Variants in MSI2 observed in about 807,000 individuals in gnomAD.
MSI2 encodes RNA-binding protein Musashi homolog 2.
MSI2 carries 17 observed loss-of-function variants against 45.6 expected under a neutral mutation model. That is an observed-to-expected ratio of 0.37 (90% CI 0.26 to 0.56). MSI2 has a LOEUF of 0.56. Among genes scored for constraint, MSI2 ranks in the 20% least tolerant of loss-of-function variants. The pLI is 0.77. For missense variants in MSI2, 293 were observed against 444.2 expected (o/e 0.66, Z 3.06); for synonymous variants, 156 against 158.2 (o/e 0.99, Z 0.11).
At chr17:57,421,231 T>C (rs1196373105) in intron 6 of MSI2, among the ~76,000 whole-genome samples, 1 of 152,190 alleles carries the variant, frequency 6.6e-6, no homozygotes, top group African/African-American at 2.4e-5. Flanking sequence ...GCGCTTTTAA[T>C]GTCCACGCTT....
intron 7 of MSI2, among the ~76,000 whole-genome samples, chr17:57,554,257 A>T (rs1179373489): frequency 6.6e-6 from 1 of 152,144 alleles, no homozygotes; most frequent in Non-Finnish European, 1.5e-5. Flanking sequence ...ATGGTTCTTA[A>T]AAATGCAGAG....
intron 5 of MSI2, among the ~76,000 whole-genome samples, chr17:57,343,335 T>A (rs76371053): frequency 6.6e-5 from 10 of 151,794 alleles, no homozygotes; most frequent in Non-Finnish European, 1.2e-4. Context: ...TTTTTTTTTT[T>A]ATTTGGAGGT....
intron 6 of MSI2, among the ~76,000 whole-genome samples, chr17:57,476,939 G>T (rs1186011762): frequency 6.6e-6 from 1 of 152,080 alleles, no homozygotes; most frequent in Non-Finnish European, 1.5e-5. Flanking sequence ...CCCATTTAAA[G>T]CTTGTAAAAC....
chr17:57,393,383 A>G (rs539853788), intron 5 of MSI2, among the ~76,000 whole-genome samples: 6 of 152,148 alleles, frequency 3.9e-5, no homozygotes, highest in Non-Finnish European at 7.3e-5. Flanking sequence ...GTAATACGTG[A>G]TGTTCTGTGT....
In MSI2 at chr17:57,678,304, G is replaced by A. The variant is rs141684876; in HGVS notation, c.*31+1245G>A. 1.5e-3 allele frequency among the ~76,000 whole-genome samples: 226 copies of A among 152,192 alleles called. 1 individual carries two copies. The highest frequency in any genetic ancestry group is 5.1e-3 in the African/African-American group (211 of 41,522). ...ATGTGTGTGAATTCTCCCACCCCTC[G>A]CCTCCACTTCCCCTTGAGCACTGAC... On this transcript the variant is annotated intron_variant, in intron 13 of 13. Transcript: ENST00000284073.
At position 57,375,975 on chromosome 17, in the gene MSI2, G is replaced by A. The variant is rs376469741; in HGVS notation, c.313-25404G>A. ...CCCGCCTTTGAACTTGTGTGCAGCTGCTTGCTTTAATTAGGTGATATGTGG... is the reference window on the plus strand; with the variant it reads ...CCCGCCTTTGAACTTGTGTGCAGCTACTTGCTTTAATTAGGTGATATGTGG... On this transcript the variant is annotated intron_variant, in intron 5 of 13. Transcript: ENST00000284073. Among the ~76,000 whole-genome samples, 175 of 152,330 alleles carry A rather than the reference G, an allele frequency of 1.1e-3. 1 individual carries two copies. The highest frequency in any genetic ancestry group is 2.1e-3 in the Non-Finnish European group (145 of 68,036).
intron 10 of MSI2, among the ~76,000 whole-genome samples, chr17:57,645,269 C>A (rs1910569793): frequency 6.6e-6 from 1 of 152,188 alleles, no homozygotes; most frequent in South Asian, 2.1e-4. Context: ...ATCGCATTGG[C>A]TCTCACAGGG....
At position 57,597,466 on chromosome 17, in the gene MSI2, T is replaced by TAAA. The variant is rs35606406; in HGVS notation, c.537+538_537+540dup. ...GGAAACATAGCCAGACCTCATCTCT[T>TAAA]AAAAAAAAAAAAAAAAAAAAAAAAT... On this transcript the variant is annotated intron_variant, in intron 8 of 13. Coordinates refer to ENST00000284073, the MANE Select transcript of MSI2 (RefSeq NM_138962.4). Among the ~76,000 whole-genome samples, 343 of 87,106 alleles carry TAAA rather than the reference T, an allele frequency of 3.9e-3. 12 individuals carry two copies. The highest frequency in any genetic ancestry group is 0.016 in the African/African-American group (323 of 19,740). The allele number at this position is 87,106 out of a possible 152,430, so 57.1% of individuals were successfully genotyped here. A position where few individuals can be genotyped will look rare whatever the true frequency, so the allele number is the denominator to read the frequency against.
chr17:57,296,313 CG>C (rs1910950430), intron 5 of MSI2, among the ~76,000 whole-genome samples: 1 of 151,912 alleles, frequency 6.6e-6, no homozygotes, highest in East Asian at 1.9e-4. Flanking sequence ...TGTTTGAAGC[CG>C]GCTGGCTTTG....
At chr17:57,324,251 C>T (rs530256123) in intron 5 of MSI2, among the ~76,000 whole-genome samples, 3 of 152,292 alleles carry the variant, frequency 2.0e-5, no homozygotes, top group Admixed American at 6.5e-5. Context: ...GCTGAGGCAG[C>T]GCCCCGCCGG....
intron 6 of MSI2, among the ~76,000 whole-genome samples, chr17:57,514,957 G>A (rs1389128365): frequency 6.6e-6 from 1 of 152,140 alleles, no homozygotes; most frequent in Non-Finnish European, 1.5e-5. Flanking sequence ...AGGCCTGCTT[G>A]CCTTACACAG....
chr17:57,301,501 C>T (rs946830017), intron 5 of MSI2, among the ~76,000 whole-genome samples: 1 of 152,254 alleles, frequency 6.6e-6, no homozygotes, highest in Non-Finnish European at 1.5e-5. Flanking sequence ...ACCTTTGATA[C>T]CCCTGGGTGT....
At chr17:57,453,230 AC>A (rs1161040493) in intron 6 of MSI2, among the ~76,000 whole-genome samples, 1 of 151,914 alleles carries the variant, frequency 6.6e-6, no homozygotes, top group East Asian at 1.9e-4. Flanking sequence ...CAAACTCCTG[AC>A]CTCAAGCAAT....
At chr17:57,454,488 G>GT (rs1028286814) in intron 6 of MSI2, among the ~76,000 whole-genome samples, 50 of 144,382 alleles carry the variant, frequency 3.5e-4, no homozygotes, top group African/African-American at 1.0e-3. Context: ...CCAAGCTGGA[G>GT]TGCAGTGGCA....
chr17:57,505,012 G>A (rs1221034103), intron 6 of MSI2, among the ~76,000 whole-genome samples: 1 of 152,102 alleles, frequency 6.6e-6, no homozygotes, highest in Non-Finnish European at 1.5e-5. Context: ...GAATGGGATG[G>A]GGTAGCTTGG....
intron 5 of MSI2, among the ~76,000 whole-genome samples, chr17:57,321,588 C>T (rs1235501618): frequency 2.0e-5 from 3 of 152,038 alleles, no homozygotes; most frequent in Non-Finnish European, 2.9e-5. Flanking sequence ...TCCCTGCAGC[C>T]GATTTGTCTT....
intron 6 of MSI2, among the ~76,000 whole-genome samples, chr17:57,514,284 G>T (rs1040776507): frequency 6.6e-6 from 1 of 152,102 alleles, no homozygotes; most frequent in Non-Finnish European, 1.5e-5. Flanking sequence ...GAAGAATTAG[G>T]GTGCAGCAAA....
intron 9 of MSI2, among the ~76,000 whole-genome samples, chr17:57,623,923 C>T (rs1908545527): frequency 6.6e-6 from 1 of 152,144 alleles, no homozygotes; most frequent in Admixed American, 6.5e-5. Context: ...AGAGGATGTT[C>T]GGCGATTGGG....
intron 6 of MSI2, among the ~76,000 whole-genome samples, chr17:57,511,567 G>A (rs921062414): frequency 5.9e-5 from 9 of 152,182 alleles, no homozygotes; most frequent in African/African-American, 2.2e-4. Flanking sequence ...CCCTGGGGAG[G>A]CAGGTTTCTC....
Sources: allele counts gnomAD v4.1 joint callset (sites outside exome capture counted in the v4.1 genomes callset), GRCh38; gene constraint gnomAD v4.1.1; transcripts MANE v1.5; gene names NCBI Gene and HGNC (gene_info 2026-07-23, HGNC 2026-07-21).